The following DLGAP1 variants were observed in gnomAD, a reference collection of about 807,000 sequenced individuals.
DLGAP1 encodes the protein DLG associated protein 1.
A neutral mutation model predicts 90.8 loss-of-function variants in DLGAP1; 11 were observed. The ratio of observed to expected loss-of-function variants is 0.12; its 90% CI spans 0.08 to 0.20. The LOEUF is 0.20. DLGAP1 is among the 10% of genes least tolerant of loss of function. The probability of loss-of-function intolerance (pLI) is 1.00; values close to 1 mark genes in which losing one functional copy is unlikely to be tolerated. For missense variants in DLGAP1, 1,050 were observed against 1,333.8 expected, an observed-to-expected ratio of 0.79 and a Z score of 3.31; for synonymous variants, 558 against 540.7, an observed-to-expected ratio of 1.03 and a Z score of -0.44.
At chr18:3,595,060 G>C (rs1430682224) in intron 7 of DLGAP1, among the ~76,000 whole-genome samples, 3 of 152,158 alleles carry the variant, frequency 2.0e-5, no homozygotes, top group Non-Finnish European at 4.4e-5. Flanking sequence ...TGCCAACGGC[G>C]GTATTTGTAA....
At chr18:3,732,038 T>A (rs184510772) in intron 6 of DLGAP1, among the ~76,000 whole-genome samples, 3 of 152,342 alleles carry the variant, frequency 2.0e-5, no homozygotes, top group East Asian at 3.9e-4. Context: ...TTACCCATTT[T>A]AAAAATCTGA....
intron 10 of DLGAP1, among the ~76,000 whole-genome samples, chr18:3,519,578 T>C (rs1057402203): frequency 2.0e-5 from 3 of 152,188 alleles, no homozygotes; most frequent in Non-Finnish European, 4.4e-5. Context: ...AAAATATATG[T>C]TGAAACTGAA....
chr18:3,622,268 C>A (rs534524166), intron 7 of DLGAP1, among the ~76,000 whole-genome samples: 127 of 152,112 alleles, frequency 8.3e-4, no homozygotes, highest in African/African-American at 2.9e-3. Context: ...ACACGCCCGG[C>A]TAATTTTTTG....
intron 3 of DLGAP1, among the ~76,000 whole-genome samples, chr18:3,948,094 G>A (rs957723058): frequency 1.3e-5 from 2 of 152,208 alleles, no homozygotes; most frequent in African/African-American, 2.4e-5. Context: ...ATCTGCTGGG[G>A]CTTCGTTAGG....
At chr18:3,975,336 C>T (rs1214480850) in intron 3 of DLGAP1, among the ~76,000 whole-genome samples, 3 of 152,042 alleles carry the variant, frequency 2.0e-5, no homozygotes, top group Non-Finnish European at 2.9e-5. Context: ...AGTGGCCCAT[C>T]AATACATGAA....
chr18:3,556,696 T>C (rs2053770808), intron 9 of DLGAP1, among the ~76,000 whole-genome samples: 1 of 152,232 alleles, frequency 6.6e-6, no homozygotes, highest in African/African-American at 2.4e-5. Flanking sequence ...TTTGGGTGAT[T>C]AGAAATACAG....
intron 1 of DLGAP1, among the ~76,000 whole-genome samples, chr18:4,321,353 G>A (rs1415809541): frequency 6.6e-6 from 1 of 152,168 alleles, no homozygotes; most frequent in African/African-American, 2.4e-5. Context: ...CATAGTAAAA[G>A]TACTCAATCA....
At chr18:4,442,031 G>A (rs940836924) in intron 1 of DLGAP1, among the ~76,000 whole-genome samples, 2 of 152,068 alleles carry the variant, frequency 1.3e-5, no homozygotes, top group Admixed American at 6.6e-5. Flanking sequence ...TCACTCTGTC[G>A]CCCAGGCTGG....
At chr18:4,331,978 C>A (rs916594640) in intron 1 of DLGAP1, among the ~76,000 whole-genome samples, 1 of 151,724 alleles carries the variant, frequency 6.6e-6, no homozygotes, top group Non-Finnish European at 1.5e-5. Context: ...TCTCAAGGAG[C>A]TTACAATTCA....
At chr18:3,597,555 A>G (rs1384168171) in intron 7 of DLGAP1, 2 of 284,388 alleles carry the variant, frequency 7.0e-6, no homozygotes, top group Non-Finnish European at 1.4e-5. Flanking sequence ...CCAAGACTTC[A>G]GCGTGGATTC....
At chr18:4,135,790 C>CTTTTTTT (rs58513784) in intron 2 of DLGAP1, among the ~76,000 whole-genome samples, 17 of 127,346 alleles carry the variant, frequency 1.3e-4, no homozygotes, top group South Asian at 5.0e-4. Context: ...GAATCTGATT[C>CTTTTTTT]TTTTTTTTTT....
intron 7 of DLGAP1, among the ~76,000 whole-genome samples, chr18:3,631,037 G>T (rs1285079823): frequency 6.6e-6 from 1 of 151,998 alleles, no homozygotes; most frequent in African/African-American, 2.4e-5. Context: ...CTGGGGTGCA[G>T]TGGTGCAATT....
At chr18:3,985,220 T>A (rs917981076) in intron 3 of DLGAP1, among the ~76,000 whole-genome samples, 3 of 152,202 alleles carry the variant, frequency 2.0e-5, no homozygotes, top group African/African-American at 7.2e-5. Flanking sequence ...AGTGTCATAC[T>A]GTCTCCCTCT....
At chr18:3,924,997 G>A (rs2072349794) in intron 3 of DLGAP1, among the ~76,000 whole-genome samples, 1 of 152,070 alleles carries the variant, frequency 6.6e-6, no homozygotes, top group Non-Finnish European at 1.5e-5. Flanking sequence ...CCATTGCCCG[G>A]GCTGGAGTGC....
intron 2 of DLGAP1, among the ~76,000 whole-genome samples, chr18:4,090,659 C>T (rs894851841): frequency 6.6e-6 from 1 of 152,170 alleles, no homozygotes; most frequent in African/African-American, 2.4e-5. Flanking sequence ...ATGTAAATTA[C>T]TTTAATCACT....
At chr18:3,875,248 G>A (rs572136653) in intron 4 of DLGAP1, among the ~76,000 whole-genome samples, 91 of 152,196 alleles carry the variant, frequency 6.0e-4, no homozygotes, top group African/African-American at 1.9e-3. Context: ...TAAAAAATAC[G>A]CACTCATTTC....
At chr18:3,963,302 C>T (rs756691016) in intron 3 of DLGAP1, among the ~76,000 whole-genome samples, 11 of 152,064 alleles carry the variant, frequency 7.2e-5, no homozygotes, top group Admixed American at 2.6e-4. Context: ...TTCTACTCTG[C>T]TTCTCATAAA....
intron 3 of DLGAP1, among the ~76,000 whole-genome samples, chr18:3,905,130 G>T (rs1039778113): frequency 6.6e-6 from 1 of 151,724 alleles, no homozygotes; most frequent in African/African-American, 2.4e-5. Context: ...CACTTTGGGA[G>T]GCTGAGTTGG....
intron 1 of DLGAP1, among the ~76,000 whole-genome samples, chr18:4,408,136 A>G (rs1480135738): frequency 6.6e-6 from 1 of 152,158 alleles, no homozygotes; most frequent in African/African-American, 2.4e-5. Flanking sequence ...TCAACTTTAC[A>G]GAGAGGAGAA....
Sources: gnomAD v4.1 joint callset for allele counts (sites outside exome capture counted in the v4.1 genomes callset) on GRCh38, gnomAD v4.1.1 for gene constraint, MANE v1.5 for transcripts, NCBI Gene and HGNC (gene_info 2026-07-23, HGNC 2026-07-21) for gene names.